CCDC180: variants seen among roughly 807,000 people sequenced by gnomAD.
CCDC180 encodes coiled-coil domain-containing protein 180.
In CCDC180, 154 loss-of-function variants were observed where a neutral mutation model predicts 209.2. The ratio of observed to expected loss-of-function variants is 0.74; its 90% CI spans 0.65 to 0.84. CCDC180 has a LOEUF of 0.84. Among genes scored for constraint, CCDC180 ranks in the 40% least tolerant of loss-of-function variants. The probability of loss-of-function intolerance (pLI) is 0.00; values close to 1 mark genes in which losing one functional copy is unlikely to be tolerated. For missense variants in CCDC180, 1,874 were observed against 1,997.3 expected (o/e 0.94, Z 1.18); for synonymous variants, 778 against 749.1 (o/e 1.04, Z -0.63).
chr9:97,341,142 AC>A, intron 18 of CCDC180, among the ~76,000 whole-genome samples: 1 of 152,090 alleles, frequency 6.6e-6, no homozygotes, highest in Admixed American at 6.5e-5. Context: ...ACGTGACCTT[AC>A]CCATCATTGG....
intron 3 of CCDC180, among the ~76,000 whole-genome samples, chr9:97,309,929 A>C (rs569333005): frequency 6.6e-6 from 1 of 152,324 alleles, no homozygotes; most frequent in South Asian, 2.1e-4. Context: ...GGATGGGGCT[A>C]TGGGACAGGG....
intron 8 of CCDC180, among the ~76,000 whole-genome samples, chr9:97,315,798 A>T (rs1833152609): frequency 6.6e-6 from 1 of 152,160 alleles, no homozygotes; most frequent in Non-Finnish European, 1.5e-5. Flanking sequence ...CACTGCCCAG[A>T]TGTGGAAGCT....
chr9:97,364,188 C>G, intron 29 of CCDC180, 60 bp downstream of exon 29: 1 of 1,497,998 alleles, frequency 6.7e-7, no homozygotes, highest in Non-Finnish European at 9.2e-7. Flanking sequence ...GCAGGGGCAG[C>G]AAATGTGACT....
intron 9 of CCDC180, among the ~76,000 whole-genome samples, chr9:97,318,115 A>T (rs182759201): frequency 5.7e-4 from 87 of 152,330 alleles, no homozygotes; most frequent in Admixed American, 5.6e-3. Context: ...TGAGGTTCAG[A>T]GTAGGAGAAG....
intron 28 of CCDC180, chr9:97,363,673 T>G: frequency 2.0e-6 from 1 of 501,060 alleles, no homozygotes. Flanking sequence ...AAATTCAAGT[T>G]TAAATGGGCG....
At chr9:97,311,319 G>T (rs1160015453) in intron 3 of CCDC180, among the ~76,000 whole-genome samples, 1 of 152,192 alleles carries the variant, frequency 6.6e-6, no homozygotes, top group Non-Finnish European at 1.5e-5. Context: ...TAGAAGATTG[G>T]CCTGGGCCCC....
At chr9:97,312,979 AC>A (rs1833040257) in intron 4 of CCDC180, among the ~76,000 whole-genome samples, 1 of 152,100 alleles carries the variant, frequency 6.6e-6, no homozygotes, top group African/African-American at 2.4e-5. Context: ...CTTCCATAGA[AC>A]TTTTTTTAAA....
chr9:97,320,548 C>T (rs1233601645), intron 11 of CCDC180, among the ~76,000 whole-genome samples: 3 of 152,206 alleles, frequency 2.0e-5, no homozygotes, highest in African/African-American at 7.2e-5. Context: ...AGCTCTGCTC[C>T]TCCCAGGCTG....
chr9:97,341,835 A>G (rs1311694871), intron 18 of CCDC180, among the ~76,000 whole-genome samples: 2 of 152,140 alleles, frequency 1.3e-5, no homozygotes, highest in African/African-American at 4.8e-5. Flanking sequence ...GGTGGGCTCC[A>G]CCCAGTTCAA....
rs1826848115 is a variant in CCDC180 at position 97,364,099 on chromosome 9, G to A, written c.3951G>A (p.Val1317=). 2 of 1,614,140 alleles carry A rather than the reference G, an allele frequency of 1.2e-6. No individual in the cohort carries two copies. The change falls in exon 29 of 37, where the codon GTG becomes GTA. Residue 1317 remains valine (V), a synonymous_variant. Coordinates refer to ENST00000529487, the MANE Select transcript of CCDC180 (RefSeq NM_020893.6). Reference sequence around the variant, plus strand: ...ACAAAATGGAGAGAAAGTACCGGGTGCTTGGGGACAAGCCTCCCCCTGCTG... The same window carrying A: ...ACAAAATGGAGAGAAAGTACCGGGTACTTGGGGACAAGCCTCCCCCTGCTG... ...KPNKMERKYR[V]LGDKPPPAAE...
intron 36 of CCDC180, chr9:97,375,810 G>T (rs948056747): frequency 6.9e-6 from 4 of 575,608 alleles, no homozygotes; most frequent in Non-Finnish European, 9.1e-6. Flanking sequence ...AATGCTGTGG[G>T]AGCCCAGCTG....
Position 97,366,844 on chromosome 9 carries a change from A to C in CCDC180, c.4189+144A>C, listed in dbSNP as rs939243031. 1 of 829,438 alleles carries C rather than the reference A, an allele frequency of 1.2e-6. No individual in the cohort carries two copies. The allele number at this position is 829,438 out of a possible 1,614,324, so 51.4% of individuals were successfully genotyped here. A position where few individuals can be genotyped will look rare whatever the true frequency, so the allele number is the denominator to read the frequency against. On this transcript the variant is annotated intron_variant, in intron 31 of 36. Transcript: ENST00000529487. This position sits in a 1 kb window ranked among gnomAD's most constrained non-coding sequence, Gnocchi z 4.3. The stretch of plus-strand genomic sequence containing the variant: ...TGTGAAAAGCTGACCTCTTAAAATT[A>C]GGTAAAAACAATAATCAGATTTTAC...
chr9:97,338,449 T>C (rs1210136618), intron 18 of CCDC180, among the ~76,000 whole-genome samples: 3 of 152,208 alleles, frequency 2.0e-5, no homozygotes, highest in African/African-American at 7.2e-5. Flanking sequence ...CAGGTTGTTC[T>C]GTTTCCATGG....
intron 35 of CCDC180, 49 bp downstream of exon 35, chr9:97,374,697 G>T: frequency 6.8e-7 from 1 of 1,470,458 alleles, no homozygotes. Flanking sequence ...GTATCTGCTG[G>T]GGGTGGTGCA....
At chr9:97,342,109 T>G (rs1285045096) in intron 18 of CCDC180, among the ~76,000 whole-genome samples, 1 of 152,184 alleles carries the variant, frequency 6.6e-6, no homozygotes, top group African/African-American at 2.4e-5. Flanking sequence ...GAAAGGGAAA[T>G]CCCCCGACCC....
At position 97,331,905 on chromosome 9, in the gene CCDC180, A is replaced by G. The variant is rs1232321892; in HGVS notation, c.2274+1138A>G. 2.6e-5 allele frequency among the ~76,000 whole-genome samples: 4 copies of G among 152,224 alleles called. 1 individual carries two copies. Among genetic ancestry groups the G allele is most frequent in the Admixed American group, 2.6e-4 (4 of 15,288 alleles). ...TGTGCAGAAGCTCTTTAGTTTAATT[A>G]GGTCCATTTGTCAATGTTTGTTTTT... On this transcript the variant is annotated intron_variant, in intron 18 of 36. Coordinates refer to ENST00000529487, the MANE Select transcript of CCDC180 (RefSeq NM_020893.6).
At position 97,347,456 on chromosome 9, in the gene CCDC180, C is replaced by T. The variant is rs1190603696; in HGVS notation, c.2641C>T (p.Gln881Ter). The change falls in exon 20 of 37, where the codon CAG (glutamine) becomes TAG (stop). Residue 881 changes from glutamine (Q) to a stop codon, truncating the protein, a stop_gained. Coordinates refer to ENST00000529487, the MANE Select transcript of CCDC180 (RefSeq NM_020893.6). LOFTEE classifies it high-confidence loss of function. Reference protein sequence around the residue: ...HLHLHQPRAQQIEKDIHNVRA... With the variant: ...HLHLHQPRAQ ...GCACCTGCACCAGCCAAGAGCCCAG[C>T]AGATTGAAAAAGACATCCACAACGT... 6.5e-7 allele frequency: 1 copy of T among 1,536,150 alleles called. No homozygotes were observed. The highest frequency in any genetic ancestry group is 2.4e-5 in the East Asian group (1 of 40,922).
intron 34 of CCDC180, 31 bp downstream of exon 34, chr9:97,371,737 C>G (rs1475249718): frequency 1.4e-6 from 2 of 1,458,906 alleles, no homozygotes; most frequent in Non-Finnish European, 1.9e-6. Context: ...TGTGTCATGG[C>G]CCTGGGGGGC....
chr9:97,352,173 G>A (rs1436088614), intron 22 of CCDC180, among the ~76,000 whole-genome samples: 4 of 152,024 alleles, frequency 2.6e-5, no homozygotes, highest in East Asian at 1.9e-4. Flanking sequence ...ACAGATTAAC[G>A]GGAAACCAAT....
Sources: gnomAD v4.1 joint callset for allele counts (sites outside exome capture counted in the v4.1 genomes callset) on GRCh38, gnomAD v4.1.1 for gene constraint, Gnocchi (gnomAD v3.1) non-coding constraint, MANE v1.5 for transcripts, NCBI Gene and HGNC (gene_info 2026-07-23, HGNC 2026-07-21) for gene names.